The following LARP4B variants were observed in gnomAD, a reference collection of about 807,000 sequenced individuals.
LARP4B encodes the protein la-related protein 4B.
In LARP4B, 12 loss-of-function variants were observed where a neutral mutation model predicts 89.8. The observed-to-expected ratio is 0.13, with a 90% CI of 0.09 to 0.22. The LOEUF is 0.22. LARP4B is among the 10% of genes least tolerant of loss of function. The pLI is 1.00. For synonymous variants in LARP4B, 367 were observed against 363.3 expected, an observed-to-expected ratio of 1.01 and a Z score of -0.12; for missense variants, 757 against 947.7, an observed-to-expected ratio of 0.80 and a Z score of 2.64.
chr10:933,233 C>T (rs529231531), upstream of LARP4B: 1 of 152,314 alleles, frequency 6.6e-6, no homozygotes, highest in Non-Finnish European at 1.5e-5. Context: ...ATTAAAACGG[C>T]TTTTCAGGGA....
chr10:947,117 A>C, the LARP4B span, among the ~76,000 whole-genome samples: 424 of 152,198 alleles, frequency 2.8e-3, no homozygotes, highest in Non-Finnish European at 4.5e-3. Flanking sequence ...TGATCCACCC[A>C]CCTCAGTCTC....
chr10:940,110 C>T, the LARP4B span, among the ~76,000 whole-genome samples: 14 of 150,888 alleles, frequency 9.3e-5, no homozygotes, highest in African/African-American at 2.7e-4. Flanking sequence ...ATCCACCTCC[C>T]GGGTTCAAGC....
the LARP4B span, chr10:988,210 G>A: frequency 1.3e-5 from 6 of 449,882 alleles, no homozygotes; most frequent in East Asian, 4.0e-5. Context: ...GCTTTACTCA[G>A]CAGGAATTTA....
the LARP4B span, among the ~76,000 whole-genome samples, chr10:975,270 G>A: frequency 3.9e-5 from 6 of 152,150 alleles, no homozygotes; most frequent in African/African-American, 1.4e-4. Context: ...TTCTCCTGAC[G>A]GCATCCACCC....
In LARP4B at chr10:831,057, C is replaced by T. The variant is rs1832877738; in HGVS notation, c.751-80G>A. 4 of 611,680 alleles carry T rather than the reference C, an allele frequency of 6.5e-6. No individual in the cohort carries two copies. The Admixed American group carries it at 1.2e-4, about 18-fold the overall frequency. 37.9% of individuals were successfully genotyped at this position (611,680 alleles called of 1,614,324 possible). A position where few individuals can be genotyped will look rare whatever the true frequency, so the allele number is the denominator to read the frequency against. On this transcript the variant is annotated intron_variant, in intron 8 of 17. Coordinates refer to ENST00000316157, the MANE Select transcript of LARP4B (RefSeq NM_015155.3). ...TCACCAAAAATTTTTTTAACAAATG[C>T]ATTCTCTTAAGGAACTATCCTTAAA...
the LARP4B span, among the ~76,000 whole-genome samples, chr10:947,815 G>T: frequency 6.6e-6 from 1 of 152,168 alleles, no homozygotes; most frequent in African/African-American, 2.4e-5. Context: ...TAGAGACAGG[G>T]TTTCTCCATG....
chr10:886,762 C>A (rs1007970780), intron 1 of LARP4B, among the ~76,000 whole-genome samples: 1 of 152,162 alleles, frequency 6.6e-6, no homozygotes, highest in Non-Finnish European at 1.5e-5. Context: ...AAGTTACTAT[C>A]TTAAAAAGTC....
intron 1 of LARP4B, among the ~76,000 whole-genome samples, chr10:893,526 T>C (rs1042655398): frequency 6.6e-6 from 1 of 152,232 alleles, no homozygotes; most frequent in Non-Finnish European, 1.5e-5. Context: ...ACCACTGATA[T>C]CCTTTTCCTA....
intron 1 of LARP4B, among the ~76,000 whole-genome samples, chr10:894,735 G>T (rs1219489630): frequency 6.6e-6 from 1 of 152,166 alleles, no homozygotes; most frequent in East Asian, 1.9e-4. Context: ...ATATATGTCT[G>T]GAATTTGCTT....
At chr10:978,694 T>C in the LARP4B span, among the ~76,000 whole-genome samples, 3 of 152,334 alleles carry the variant, frequency 2.0e-5, no homozygotes, top group Admixed American at 1.3e-4. Flanking sequence ...ATAGGCTTTA[T>C]TAATTATGTG....
the LARP4B span, among the ~76,000 whole-genome samples, chr10:964,994 A>G: frequency 6.6e-6 from 1 of 152,180 alleles, no homozygotes; most frequent in Non-Finnish European, 1.5e-5. Flanking sequence ...GAATGACCCC[A>G]GGTGGGGCCT....
At chr10:816,130 G>A (rs944122349) in intron 15 of LARP4B, among the ~76,000 whole-genome samples, 5 of 152,240 alleles carry the variant, frequency 3.3e-5, no homozygotes, top group African/African-American at 4.8e-5. Context: ...TCGGTAGGCC[G>A]AGGCAGGAGA....
Position 814,717 on chromosome 10 carries a change from A to C in LARP4B, c.1929+25T>G, listed in dbSNP as rs1831935377. 1 of 1,572,150 alleles carries C rather than the reference A, an allele frequency of 6.4e-7. No homozygotes were observed. Among genetic ancestry groups the C allele is most frequent in the South Asian group, 1.2e-5 (1 of 85,990 alleles). On this transcript the variant is annotated intron_variant, in intron 17 of 17. Coordinates refer to ENST00000316157, the MANE Select transcript of LARP4B (RefSeq NM_015155.3). The surrounding 1 kb of genome is among the most constrained non-coding windows in gnomAD (Gnocchi z 4.4). ...CACCAGAGCCTCGCGGCTGTCGTGC[A>C]GGAAGGCAGGCACGAGGTACGTACC...
At chr10:924,098 C>G (rs1837067090) in intron 1 of LARP4B, among the ~76,000 whole-genome samples, 1 of 151,952 alleles carries the variant, frequency 6.6e-6, no homozygotes, top group Non-Finnish European at 1.5e-5. Context: ...TTTTAATTAG[C>G]CAGGTGTGGT....
intron 5 of LARP4B, among the ~76,000 whole-genome samples, chr10:855,549 T>C (rs1834257852): frequency 6.6e-6 from 1 of 152,130 alleles, no homozygotes; most frequent in African/African-American, 2.4e-5. Context: ...CATTTATATA[T>C]TAAGTTTGCC....
In LARP4B at chr10:815,043, T is replaced by C; in HGVS notation, c.1723A>G (p.Thr575Ala). ...TCTCTGGAGACCACTACAGGAAGGG[T>C]GTTCACGCTTGCGTCTGCACTGAGG... ...RTLSADASVNTLPVVVSREPS... is the reference protein window; with the variant it reads ...RTLSADASVNALPVVVSREPS... The change falls in exon 16 of 18, where the codon ACC becomes GCC. Residue 575 changes from threonine (T) to alanine (A), a missense_variant. Physicochemically the swap from Thr to Ala is moderately conservative, Grantham distance 58. Around this residue, in one of 5 missense-constraint regions of LARP4B, gnomAD observed 387 missense variants for 423.6 expected, o/e 0.91. Transcript: ENST00000316157. 2 of 1,598,392 alleles carry C rather than the reference T, an allele frequency of 1.3e-6. No individual in the cohort carries two copies. Among genetic ancestry groups the C allele is most frequent in the Non-Finnish European group, 1.7e-6 (2 of 1,170,692 alleles).
chr10:938,460 A>G, the LARP4B span, among the ~76,000 whole-genome samples: 1 of 151,798 alleles, frequency 6.6e-6, no homozygotes, highest in Non-Finnish European at 1.5e-5. Context: ...TCACCGTGTT[A>G]GCCAGGATAG....
chr10:980,678 T>C, the LARP4B span, among the ~76,000 whole-genome samples: 6 of 152,202 alleles, frequency 3.9e-5, no homozygotes, highest in Non-Finnish European at 7.3e-5. Flanking sequence ...TGCAGGGCAA[T>C]GGATACCCTG....
chr10:971,324 G>T, the LARP4B span: 2 of 152,148 alleles, frequency 1.3e-5, no homozygotes, highest in Admixed American at 1.3e-4. Flanking sequence ...CAAGGACAGG[G>T]GAGATGCAAG....
Sources: allele counts gnomAD v4.1 joint callset (sites outside exome capture counted in the v4.1 genomes callset), GRCh38; gene constraint gnomAD v4.1.1; regional missense constraint gnomAD v4.1.1; non-coding constraint Gnocchi (gnomAD v3.1); transcripts MANE v1.5; gene names NCBI Gene and HGNC (gene_info 2026-07-23, HGNC 2026-07-21).